The following SPEN variants were observed in gnomAD, a reference collection of about 807,000 sequenced individuals.
SPEN encodes the protein spen family transcriptional repressor, also known as msx2-interacting protein.
SPEN carries 18 observed loss-of-function variants against 269.9 expected under a neutral mutation model. The ratio of observed to expected loss-of-function variants is 0.07; its 90% CI spans 0.05 to 0.10. The LOEUF (loss-of-function observed/expected upper bound fraction) is 0.10. Ranked by LOEUF, SPEN falls within the 10% of genes least tolerant of loss-of-function variation. The pLI is 1.00. For missense variants in SPEN, 3,822 were observed against 4,631.2 expected (o/e 0.83, Z 5.07); for synonymous variants, 1,726 against 1,765.7 (o/e 0.98, Z 0.56).
intron 6 of SPEN, 132 bp downstream of exon 6, chr1:15,916,411 C>A: frequency 1.1e-6 from 1 of 938,166 alleles, no homozygotes; most frequent in Non-Finnish European, 1.5e-6. Flanking sequence ...TTAGCTCTTG[C>A]TAAAAGATAA....
At chr1:15,899,498 C>A (rs1230138778) in intron 3 of SPEN, among the ~76,000 whole-genome samples, 2 of 150,538 alleles carry the variant, frequency 1.3e-5, no homozygotes, top group Non-Finnish European at 3.0e-5. Context: ...TTAATAATAG[C>A]CATCCTAGTG....
At chr1:15,879,047 A>G (rs892908233) in intron 3 of SPEN, among the ~76,000 whole-genome samples, 1 of 151,520 alleles carries the variant, frequency 6.6e-6, no homozygotes, top group Non-Finnish European at 1.5e-5. Context: ...AAAAAAAGAA[A>G]AAGTGCTGAG....
At chr1:15,862,057 A>C (rs1401511663) in intron 1 of SPEN, among the ~76,000 whole-genome samples, 1 of 152,086 alleles carries the variant, frequency 6.6e-6, no homozygotes, top group Non-Finnish European at 1.5e-5. Context: ...ATAAAAAAAC[A>C]AAAAACAAAA....
chr1:15,911,526 A>G (rs562324666), intron 5 of SPEN, among the ~76,000 whole-genome samples: 1 of 152,310 alleles, frequency 6.6e-6, no homozygotes, highest in African/African-American at 2.4e-5. Flanking sequence ...GCTGTAATGG[A>G]GCCTTGCTGA....
intron 3 of SPEN, among the ~76,000 whole-genome samples, chr1:15,886,582 C>T (rs557159623): frequency 6.6e-6 from 1 of 152,272 alleles, no homozygotes; most frequent in South Asian, 2.1e-4. Flanking sequence ...CAGATCTAGC[C>T]AGGGTGAACG....
chr1:15,904,477 A>AAAAAAAAAAAAAAG (rs1557750214), intron 3 of SPEN, among the ~76,000 whole-genome samples: 1 of 137,936 alleles, frequency 7.2e-6, no homozygotes, highest in African/African-American at 2.6e-5. Flanking sequence ...AAAAAAAAAA[A>AAAAAAAAAAAAAAG]GTGAACTAAA....
At chr1:15,880,510 C>T (rs1363457911) in intron 3 of SPEN, among the ~76,000 whole-genome samples, 2 of 134,116 alleles carry the variant, frequency 1.5e-5, no homozygotes, top group Non-Finnish European at 3.0e-5. Flanking sequence ...GGCTGGAGTG[C>T]GGTGGCGCAA....
chr1:15,938,906 G>GT, intron 14 of SPEN, 30 bp downstream of exon 14: 1 of 1,606,214 alleles, frequency 6.2e-7, no homozygotes, highest in Non-Finnish European at 8.5e-7. Flanking sequence ...TCCTTCACAT[G>GT]TACACCCACA....
At chr1:15,878,212 A>T (rs1557740659) in intron 3 of SPEN, among the ~76,000 whole-genome samples, 1 of 152,224 alleles carries the variant, frequency 6.6e-6, no homozygotes. Flanking sequence ...GTATATATTT[A>T]AAATTTACAG....
rs1230978705 is a variant in SPEN at position 15,872,933 on chromosome 1, C to A, written c.201C>A (p.Asn67Lys). ...KSAQKAHNSV[N>K]KMGDRDLRTD... Reference sequence around the variant, plus strand: ...CACAGAAAGCTCACAACTCGGTCAACAAAATGGGTGACAGAGACCTACGCA... The same window carrying A: ...CACAGAAAGCTCACAACTCGGTCAAAAAAATGGGTGACAGAGACCTACGCA... The change falls in exon 2 of 15, where the codon AAC becomes AAA. Residue 67 changes from asparagine (N) to lysine (K), a missense_variant. Physicochemically the swap from Asn to Lys is moderately conservative, Grantham distance 94. This residue lies in a region of SPEN where 327 missense variants were observed against 350.8 expected (regional missense o/e 0.93). Coordinates refer to ENST00000375759, the MANE Select transcript of SPEN (RefSeq NM_015001.3). The A allele has an allele frequency of 6.2e-7, 1 of 1,607,852 alleles. No homozygotes were observed. The highest frequency in any genetic ancestry group is 2.2e-5 in the East Asian group (1 of 44,754).
intron 6 of SPEN, 98 bp from the exon 7 acceptor site, chr1:15,918,828 C>A: frequency 1.0e-6 from 1 of 980,436 alleles, no homozygotes. Context: ...TGATTGAGAA[C>A]ATGACTTTTT....
chr1:15,914,784 G>A (rs924453575), intron 5 of SPEN, among the ~76,000 whole-genome samples: 8 of 152,030 alleles, frequency 5.3e-5, no homozygotes, highest in Middle Eastern at 3.4e-3. Context: ...AGATTGCTCC[G>A]CTGCACTCCA....
At chr1:15,868,163 T>A (rs112779784) in intron 1 of SPEN, among the ~76,000 whole-genome samples, 14,475 of 150,322 alleles carry the variant, frequency 0.096, 875 homozygotes, top group African/African-American at 0.16. Flanking sequence ...TTATATATAT[T>A]TATTTATTTA....
chr1:15,863,643 C>T (rs1269695740), intron 1 of SPEN, among the ~76,000 whole-genome samples: 1 of 152,088 alleles, frequency 6.6e-6, no homozygotes, highest in East Asian at 1.9e-4. Context: ...GAATTGGAGA[C>T]CAGCCTAGGC....
rs1280606013 is a variant in SPEN at position 15,934,734 on chromosome 1, G to A, written c.8494G>A (p.Ala2832Thr). 3 of 1,614,130 alleles carry A rather than the reference G, an allele frequency of 1.9e-6. No individual in the cohort carries two copies. The highest frequency in any genetic ancestry group is 2.5e-6 in the Non-Finnish European group (3 of 1,180,010). ...GACCGAAGGCCCACAGCGGATCAGC[G>A]CCAAGATCAGCCAGATCCCCCCGGC... ...QKTEGPQRIS[A>T]KISQIPPASA... is the part of the protein sequence containing the mutation. The change falls in exon 11 of 15, where the codon GCC (alanine) becomes ACC (threonine). Residue 2832 changes from alanine to threonine, a missense_variant. Ala to Thr is a moderately conservative substitution (Grantham distance 58, BLOSUM62 0). Around this residue, in one of 16 missense-constraint regions of SPEN, gnomAD observed 329 missense variants for 431.2 expected, o/e 0.76. Coordinates refer to ENST00000375759, the MANE Select transcript of SPEN (RefSeq NM_015001.3). The surrounding 1 kb of genome is among the most constrained non-coding windows in gnomAD (Gnocchi z 9.2).
chr1:15,859,905 C>CTTTTTTTTTTTTTTTTTTTTTT (rs34195453), intron 1 of SPEN, among the ~76,000 whole-genome samples: 1 of 79,620 alleles, frequency 1.3e-5, no homozygotes, highest in Non-Finnish European at 2.1e-5. Flanking sequence ...CAGTTAACAT[C>CTTTTTTTTTTTTTTTTTTTTTT]TTTTTTTTTT....
At chr1:15,905,913 C>G (rs117124601) in intron 3 of SPEN, among the ~76,000 whole-genome samples, 1 of 152,084 alleles carries the variant, frequency 6.6e-6, no homozygotes, top group African/African-American at 2.4e-5. Context: ...TGCTTTTGCT[C>G]GTGATTGTTT....
At chr1:15,907,579 G>C (rs1241311191) in intron 3 of SPEN, among the ~76,000 whole-genome samples, 2 of 152,134 alleles carry the variant, frequency 1.3e-5, no homozygotes, top group East Asian at 3.8e-4. Flanking sequence ...TGTAGTTCTA[G>C]TGCAAAGACA....
rs1040432424 is a variant in SPEN, at chr1:15,878,960, G to C, written c.881+2282G>C. Among the ~76,000 whole-genome samples, 3 of 125,442 alleles carry C rather than the reference G, an allele frequency of 2.4e-5. 1 individual carries two copies. Among genetic ancestry groups the C allele is most frequent in the East Asian group, 4.8e-4 (2 of 4,188 alleles). 82.3% of individuals were successfully genotyped at this position (125,442 alleles called of 152,430 possible). A position where few individuals can be genotyped will look rare whatever the true frequency, so the allele number is the denominator to read the frequency against. On this transcript the variant is annotated intron_variant, in intron 3 of 14. Transcript: ENST00000375759. ...GGGAGGTGGAGGTTGCAGTGAGCAA[G>C]CCACTGCACTCCAGCCTGGGTGACA...
Sources: allele counts gnomAD v4.1 joint callset (sites outside exome capture counted in the v4.1 genomes callset), GRCh38; gene constraint gnomAD v4.1.1; regional missense constraint gnomAD v4.1.1; non-coding constraint Gnocchi (gnomAD v3.1); transcripts MANE v1.5; gene names NCBI Gene and HGNC (gene_info 2026-07-23, HGNC 2026-07-21).